Variants in CRY1 observed in about 807,000 individuals in gnomAD.
CRY1 encodes cryptochrome-1.
In CRY1, 45 loss-of-function variants were observed where a neutral mutation model predicts 76.0. The observed-to-expected ratio is 0.59, with a 90% confidence interval of 0.47 to 0.76. The LOEUF (loss-of-function observed/expected upper bound fraction) is 0.76. CRY1 is among the 30% of genes least tolerant of loss of function. The pLI, the probability that CRY1 is intolerant of heterozygous loss-of-function variation, is 0.00. For missense variants in CRY1, 587 were observed against 716.4 expected (o/e 0.82, Z 2.06); for synonymous variants, 248 against 244.0 (o/e 1.02, Z -0.15).
chr12:107,083,668 A>C (rs934281071), intron 1 of CRY1, among the ~76,000 whole-genome samples: 1 of 152,168 alleles, frequency 6.6e-6, no homozygotes, highest in Non-Finnish European at 1.5e-5. Flanking sequence ...CTCTCAATAA[A>C]CTAGGTATTG....
At chr12:107,085,560 G>A (rs1388902967) in intron 1 of CRY1, among the ~76,000 whole-genome samples, 1 of 152,016 alleles carries the variant, frequency 6.6e-6, no homozygotes, top group Non-Finnish European at 1.5e-5. Flanking sequence ...AACTAACATA[G>A]GAACAGAAAA....
intron 1 of CRY1, among the ~76,000 whole-genome samples, chr12:107,045,036 A>G (rs1178471764): frequency 6.6e-6 from 1 of 152,194 alleles, no homozygotes; most frequent in Non-Finnish European, 1.5e-5. Flanking sequence ...AAGGTCCCCA[A>G]ATAGATTCAA....
At chr12:107,052,724 G>C (rs574913134) in intron 1 of CRY1, among the ~76,000 whole-genome samples, 12 of 152,324 alleles carry the variant, frequency 7.9e-5, no homozygotes, top group Admixed American at 7.2e-4. Flanking sequence ...GGGAACAGCA[G>C]ATGTACAACA....
chr12:106,997,768 T>C, intron 8 of CRY1, 78 bp from the exon 9 acceptor site: 1 of 1,554,356 alleles, frequency 6.4e-7, no homozygotes. Context: ...CAGACCAAAA[T>C]CAAATCAAGA....
intron 1 of CRY1, among the ~76,000 whole-genome samples, chr12:107,024,151 C>A (rs1952584408): frequency 6.6e-6 from 1 of 152,144 alleles, no homozygotes; most frequent in Admixed American, 6.5e-5. Flanking sequence ...ATCCCCTAAT[C>A]TCTGTTGTAC....
intron 2 of CRY1, among the ~76,000 whole-genome samples, chr12:107,019,660 A>G (rs904717744): frequency 6.6e-6 from 1 of 151,550 alleles, no homozygotes; most frequent in Non-Finnish European, 1.5e-5. Flanking sequence ...GCTAGGTGCT[A>G]CAGCTTATGC....
chr12:107,042,430 T>C (rs904373210), intron 1 of CRY1, among the ~76,000 whole-genome samples: 3 of 152,200 alleles, frequency 2.0e-5, no homozygotes, highest in Non-Finnish European at 4.4e-5. Context: ...TAGTATCATT[T>C]GTAACAAGAC....
At chr12:107,018,846 T>C (rs1417603086) in intron 2 of CRY1, among the ~76,000 whole-genome samples, 1 of 152,046 alleles carries the variant, frequency 6.6e-6, no homozygotes, top group African/African-American at 2.4e-5. Context: ...TTTACCTAAG[T>C]GTGTATAAAA....
chr12:106,999,449 T>C, intron 7 of CRY1, 102 bp downstream of exon 7: 2 of 1,115,724 alleles, frequency 1.8e-6, no homozygotes, highest in Non-Finnish European at 2.5e-6. Flanking sequence ...ACTGAAAAAC[T>C]ACACCATAAA....
chr12:107,066,155 C>T (rs1469731874), intron 1 of CRY1, among the ~76,000 whole-genome samples: 1 of 152,146 alleles, frequency 6.6e-6, no homozygotes. Flanking sequence ...TTTGATTAGT[C>T]CGAAACTGGG....
chr12:107,065,609 TA>T (rs1466055791), intron 1 of CRY1, among the ~76,000 whole-genome samples: 5 of 149,830 alleles, frequency 3.3e-5, no homozygotes, highest in Non-Finnish European at 7.4e-5. Context: ...AAAAAAAGAG[TA>T]AAAATAACTG....
chr12:107,034,981 T>C (rs368156129), intron 1 of CRY1, among the ~76,000 whole-genome samples: 12 of 152,328 alleles, frequency 7.9e-5, no homozygotes, highest in African/African-American at 2.9e-4. Flanking sequence ...TAGAAATCAC[T>C]GCATTGTGAC....
rs146335177 is a variant in CRY1, at chr12:107,001,773, C to G, written c.586G>C (p.Glu196Gln). 2 of 1,552,272 alleles carry G rather than the reference C, an allele frequency of 1.3e-6. No homozygotes were observed. Among genetic ancestry groups the G allele is most frequent in the Admixed American group, 2.4e-5 (1 of 41,810 alleles). ...HDEKYGVPSLEELGFDTDGLS... is the reference protein window; with the variant it reads ...HDEKYGVPSLQELGFDTDGLS... ...TACAGTTTACACTCACCTAGCTCTT[C>G]CAGTGAAGGGACTCCATATTTCTCA... The change falls in exon 4 of 13, where the codon GAA (glutamate) becomes CAA (glutamine). Residue 196 changes from glutamate (E) to glutamine (Q), a missense_variant. By Grantham distance (29) the Glu-to-Gln change is conservative (BLOSUM62 2). Coordinates refer to ENST00000008527, the MANE Select transcript of CRY1 (RefSeq NM_004075.5).
chr12:107,038,292 G>C (rs888642098), intron 1 of CRY1, among the ~76,000 whole-genome samples: 1 of 152,122 alleles, frequency 6.6e-6, no homozygotes, highest in Non-Finnish European at 1.5e-5. Flanking sequence ...CACATTTGTA[G>C]TAGTCTTAAG....
chr12:107,054,104 T>G (rs1035647248), intron 1 of CRY1, among the ~76,000 whole-genome samples: 1 of 152,114 alleles, frequency 6.6e-6, no homozygotes, highest in Non-Finnish European at 1.5e-5. Context: ...ACATTGTAAA[T>G]AGTAGATATG....
intron 1 of CRY1, among the ~76,000 whole-genome samples, chr12:107,061,331 A>ATGC (rs1259291747): frequency 6.6e-6 from 1 of 152,008 alleles, no homozygotes; most frequent in Non-Finnish European, 1.5e-5. Context: ...TGACAGCCAA[A>ATGC]TGCTTCAATT....
At chr12:107,020,082 T>G (rs1264269091) in intron 2 of CRY1, among the ~76,000 whole-genome samples, 1 of 151,902 alleles carries the variant, frequency 6.6e-6, no homozygotes, top group Non-Finnish European at 1.5e-5. Context: ...TTGTTAGAAC[T>G]CTCCCAAATA....
intron 3 of CRY1, 22 bp downstream of exon 3, chr12:107,005,084 T>TAA (rs34993937): frequency 2.0e-4 from 290 of 1,445,524 alleles, no homozygotes; most frequent in South Asian, 2.7e-4. Context: ...TTTCCCACAG[T>TAA]AAAAAAAAAA....
rs540337062 is a variant in CRY1 at position 107,056,286 on chromosome 12, C to T, written c.159-34094G>A. 6.4e-4 allele frequency among the ~76,000 whole-genome samples: 97 copies of T among 152,300 alleles called. No individual in the cohort carries two copies. In the South Asian group the frequency reaches 7.7e-3, roughly 12 times the overall value. On this transcript the variant is annotated intron_variant, in intron 1 of 12. Coordinates refer to ENST00000008527, the MANE Select transcript of CRY1 (RefSeq NM_004075.5). ...CACACCTTTTGTGAGGTTGCCTTGG[C>T]ACTCAGCAGAAAAAGATGGAAAATA...
Sources: gnomAD v4.1 joint callset for allele counts (sites outside exome capture counted in the v4.1 genomes callset) on GRCh38, gnomAD v4.1.1 for gene constraint, MANE v1.5 for transcripts, NCBI Gene and HGNC (gene_info 2026-07-23, HGNC 2026-07-21) for gene names.